Variants in NBAS observed in about 807,000 individuals in gnomAD.
NBAS encodes the protein NBAS subunit of NRZ tethering complex.
NBAS carries 219 observed loss-of-function variants against 302.5 expected under a neutral mutation model. That is an observed-to-expected ratio of 0.72 (90% CI 0.65 to 0.81). NBAS has a LOEUF of 0.81. Ranked by LOEUF, NBAS falls within the 30% of genes least tolerant of loss-of-function variation. NBAS has a pLI of 0.00. For synonymous variants in NBAS, 1,118 were observed against 1,021.6 expected, an observed-to-expected ratio of 1.09 and a Z score of -1.80; for missense variants, 2,932 against 2,841.6, an observed-to-expected ratio of 1.03 and a Z score of -0.72.
chr2:15,356,902 C>T (rs1284627674), intron 32 of NBAS, among the ~76,000 whole-genome samples: 1 of 152,182 alleles, frequency 6.6e-6, no homozygotes, highest in African/African-American at 2.4e-5. Flanking sequence ...AAAGATTGTT[C>T]CTTAACAAAT....
At chr2:15,388,462 T>C (rs963167435) in intron 28 of NBAS, among the ~76,000 whole-genome samples, 2 of 151,706 alleles carry the variant, frequency 1.3e-5, no homozygotes, top group Non-Finnish European at 2.9e-5. Flanking sequence ...ATGGTTAAAA[T>C]GGGAGAAAAG....
chr2:15,147,266 C>T, the NBAS span, among the ~76,000 whole-genome samples: 5 of 152,090 alleles, frequency 3.3e-5, no homozygotes, highest in Non-Finnish European at 5.9e-5. Context: ...AAGCTATTAT[C>T]TAGGAAACTT....
chr2:14,807,073 G>T, the NBAS span, among the ~76,000 whole-genome samples: 2 of 152,126 alleles, frequency 1.3e-5, no homozygotes, highest in Non-Finnish European at 1.5e-5. Flanking sequence ...GAGGTAATTT[G>T]CATGGTTCTT....
At chr2:15,516,620 T>A (rs1662401650) in intron 9 of NBAS, among the ~76,000 whole-genome samples, 1 of 151,160 alleles carries the variant, frequency 6.6e-6, no homozygotes, top group Non-Finnish European at 1.5e-5. Context: ...CTACTCAGGA[T>A]ACTGAGGCAC....
chr2:15,218,799 G>C lies in NBAS; in HGVS notation c.6406C>G (p.Leu2136Val). ...TGTCTCTGGGGCCAGGAGGCTTTGA[G>C]AATGGCTTCAGTTCTAAAGAACACG... is the stretch of plus-strand genomic sequence containing the variant. ...LLVFFRTEAI[L>V]KASWPQRQVD... Residue 2136 changes from leucine (L) to valine (V), a missense_variant, in exon 48 of 52, where the codon CTC becomes GTC. Transcript: ENST00000281513. The C allele has an allele frequency of 6.2e-7, 1 of 1,614,258 alleles. No homozygotes were observed. The highest frequency in any genetic ancestry group is 1.7e-5 in the Admixed American group (1 of 60,036).
chr2:14,821,660 C>G, the NBAS span, among the ~76,000 whole-genome samples: 1 of 152,090 alleles, frequency 6.6e-6, no homozygotes, highest in Non-Finnish European at 1.5e-5. Flanking sequence ...TTGATTAATA[C>G]AGAAGGCTCA....
chr2:15,282,726 C>A (rs1669877918), intron 42 of NBAS, among the ~76,000 whole-genome samples: 1 of 152,182 alleles, frequency 6.6e-6, no homozygotes, highest in Non-Finnish European at 1.5e-5. Context: ...TTGAAATCTG[C>A]TGTCTAAATA....
the NBAS span, among the ~76,000 whole-genome samples, chr2:14,975,486 G>A: frequency 6.6e-6 from 1 of 152,146 alleles, no homozygotes; most frequent in African/African-American, 2.4e-5. Context: ...TTATTCACAT[G>A]ACAGCTCATC....
At chr2:15,464,924 C>T (rs1334270281) in intron 19 of NBAS, among the ~76,000 whole-genome samples, 1 of 152,232 alleles carries the variant, frequency 6.6e-6, no homozygotes, top group African/African-American at 2.4e-5. Flanking sequence ...TTACATGGCA[C>T]ACTGATTATC....
the NBAS span, among the ~76,000 whole-genome samples, chr2:15,144,550 T>C: frequency 6.6e-6 from 1 of 152,142 alleles, no homozygotes; most frequent in East Asian, 1.9e-4. Context: ...CGCTACACAA[T>C]CCTGGCCCTC....
the NBAS span, among the ~76,000 whole-genome samples, chr2:14,885,554 G>A: frequency 2.6e-5 from 4 of 152,132 alleles, no homozygotes; most frequent in Non-Finnish European, 5.9e-5. Flanking sequence ...ATATATGTGA[G>A]GAGTAGAGAT....
chr2:15,069,995 A>ACC, the NBAS span, among the ~76,000 whole-genome samples: 188 of 151,548 alleles, frequency 1.2e-3, no homozygotes, highest in South Asian at 2.7e-3. Context: ...TTTGGTCAGA[A>ACC]CCCCCCCACC....
At chr2:15,424,511 T>G in intron 22 of NBAS, 43 bp from the exon 23 acceptor site, 1 of 1,604,966 alleles carries the variant, frequency 6.2e-7, no homozygotes, top group Non-Finnish European at 8.5e-7. Flanking sequence ...ACTAGAATGT[T>G]GGAAAAACAT....
chr2:14,875,396 C>T, the NBAS span, among the ~76,000 whole-genome samples: 3 of 152,118 alleles, frequency 2.0e-5, no homozygotes, highest in Non-Finnish European at 4.4e-5. Context: ...AGGTGGCGAA[C>T]ACGAGGTCAG....
At chr2:14,975,911 T>C in the NBAS span, among the ~76,000 whole-genome samples, 4 of 152,204 alleles carry the variant, frequency 2.6e-5, no homozygotes, top group Non-Finnish European at 5.9e-5. Flanking sequence ...GTGTGGTTTA[T>C]GAAGTTTATG....
chr2:15,350,335 CA>C (rs556995330), intron 35 of NBAS, among the ~76,000 whole-genome samples: 177 of 151,864 alleles, frequency 1.2e-3, no homozygotes, highest in Admixed American at 2.2e-3. Context: ...AAAATAGTCA[CA>C]AGAAAAATAA....
chr2:15,097,670 G>A, the NBAS span, among the ~76,000 whole-genome samples: 2 of 151,268 alleles, frequency 1.3e-5, no homozygotes, highest in Admixed American at 1.3e-4. Flanking sequence ...CCCCTTTTAT[G>A]AGGACACTAA....
intron 50 of NBAS, among the ~76,000 whole-genome samples, chr2:15,182,480 T>C (rs992882260): frequency 3.3e-5 from 5 of 152,176 alleles, no homozygotes; most frequent in African/African-American, 1.2e-4. Flanking sequence ...AACAATCACA[T>C]TGACTTTTAG....
intron 12 of NBAS, among the ~76,000 whole-genome samples, chr2:15,487,112 G>A (rs987137626): frequency 6.6e-6 from 1 of 151,990 alleles, no homozygotes; most frequent in Non-Finnish European, 1.5e-5. Context: ...AAGCCAAGGG[G>A]GGAAAATGCC....
Sources: gnomAD v4.1 joint callset for allele counts (sites outside exome capture counted in the v4.1 genomes callset) on GRCh38, gnomAD v4.1.1 for gene constraint, MANE v1.5 for transcripts, NCBI Gene and HGNC (gene_info 2026-07-23, HGNC 2026-07-21) for gene names.